The following MYO16 variants were observed in gnomAD, a reference collection of about 807,000 sequenced individuals.
MYO16 encodes the protein unconventional myosin-XVI.
MYO16 carries 94 observed loss-of-function variants against 205.3 expected under a neutral mutation model. That is an observed-to-expected ratio of 0.46 (90% CI 0.39 to 0.54). The LOEUF (loss-of-function observed/expected upper bound fraction) is 0.54, where lower values mean the gene tolerates loss of function less well. Among genes scored for constraint, MYO16 ranks in the 20% least tolerant of loss-of-function variants. The pLI, the probability that MYO16 is intolerant of heterozygous loss-of-function variation, is 0.00. For synonymous variants in MYO16, 988 were observed against 954.0 expected (o/e 1.04, Z -0.66); for missense variants, 2,315 against 2,387.5 (o/e 0.97, Z 0.63).
At chr13:108,704,388 G>T (rs1033298650) in intron 2 of MYO16, among the ~76,000 whole-genome samples, 1 of 152,094 alleles carries the variant, frequency 6.6e-6, no homozygotes, top group African/African-American at 2.4e-5. Flanking sequence ...TTTTTGCTGG[G>T]AATGATGGTT....
At chr13:108,818,002 C>G (rs760689818) in intron 7 of MYO16, among the ~76,000 whole-genome samples, 2 of 152,080 alleles carry the variant, frequency 1.3e-5, no homozygotes, top group African/African-American at 2.4e-5. Context: ...AAATTTACAG[C>G]CTTTAAGGTT....
chr13:109,172,588 C>T (rs1878965893), intron 33 of MYO16, among the ~76,000 whole-genome samples: 1 of 152,136 alleles, frequency 6.6e-6, no homozygotes, highest in Non-Finnish European at 1.5e-5. Context: ...ACCTCTGATG[C>T]TTATTAACTC....
the MYO16 span, among the ~76,000 whole-genome samples, chr13:108,566,745 GGAA>G: frequency 1.4e-5 from 1 of 70,738 alleles, no homozygotes; most frequent in African/African-American, 6.1e-5. Context: ...GAGGAAGGAA[GGAA>G]GGAAGGAAGG....
intron 5 of MYO16, among the ~76,000 whole-genome samples, chr13:108,788,827 T>C (rs1886532831): frequency 6.6e-6 from 1 of 152,232 alleles, no homozygotes; most frequent in Non-Finnish European, 1.5e-5. Flanking sequence ...TGACACTCTC[T>C]TAGGAACAGT....
rs1219807592 is a variant in MYO16 at position 109,021,594 on chromosome 13, C to G, written c.2796+1683C>G. On this transcript the variant is annotated intron_variant, in intron 23 of 34. Transcript: ENST00000457511. ...AGTGCAAGGATATGTGGAAGGCAGG[C>G]TTCTCCTTTTCAGCCTTGGCGGTAC... Among the ~76,000 whole-genome samples, 4 of 152,160 alleles carry G rather than the reference C, an allele frequency of 2.6e-5. No individual in the cohort carries two copies. In the South Asian group the frequency reaches 8.3e-4, roughly 31 times the overall value.
At chr13:108,634,562 C>T (rs1272731883) in intron 1 of MYO16, among the ~76,000 whole-genome samples, 3 of 152,142 alleles carry the variant, frequency 2.0e-5, no homozygotes, top group East Asian at 1.9e-4. Flanking sequence ...TGCCCATGCC[C>T]GTGGCCTTCG....
At position 108,994,476 on chromosome 13, in the gene MYO16, A is replaced by C. The variant is rs978107006; in HGVS notation, c.2442+2028A>C. Among the ~76,000 whole-genome samples the C allele has an allele frequency of 7.9e-5, 12 of 152,148 alleles. 1 individual carries two copies. The highest frequency in any genetic ancestry group is 2.9e-4 in the African/African-American group (12 of 41,440). On this transcript the variant is annotated intron_variant, in intron 21 of 34. Transcript: ENST00000457511. ...TAAGTACAAATCTCATCTTTTGACG[A>C]GTGCAAATTTGCATGTAATTTTTTT...
intron 4 of MYO16, among the ~76,000 whole-genome samples, chr13:108,771,875 C>T (rs1885977100): frequency 6.6e-6 from 1 of 152,006 alleles, no homozygotes; most frequent in South Asian, 2.1e-4. Context: ...CTGGATGTAC[C>T]ACAGTTTTAT....
chr13:108,685,943 A>G (rs1882659431), intron 2 of MYO16, among the ~76,000 whole-genome samples: 1 of 152,186 alleles, frequency 6.6e-6, no homozygotes, highest in Non-Finnish European at 1.5e-5. Context: ...GTGAATTTTC[A>G]TGAACCTCCT....
chr13:108,634,428 TTCCAACAGAGTGAA>T (rs1880130758), intron 1 of MYO16, among the ~76,000 whole-genome samples: 1 of 152,152 alleles, frequency 6.6e-6, no homozygotes, highest in Non-Finnish European at 1.5e-5. Flanking sequence ...CTGCATCAGC[TTCCAACAGAGTGAA>T]TATGTGGCCA....
chr13:108,930,523 G>A (rs533331775), intron 16 of MYO16, among the ~76,000 whole-genome samples: 1 of 152,176 alleles, frequency 6.6e-6, no homozygotes, highest in East Asian at 1.9e-4. Flanking sequence ...AAAAAGAAAA[G>A]TCAATTGGCC....
At chr13:108,824,124 A>G (rs1227052543) in intron 9 of MYO16, among the ~76,000 whole-genome samples, 1 of 152,084 alleles carries the variant, frequency 6.6e-6, no homozygotes, top group Non-Finnish European at 1.5e-5. Flanking sequence ...CTGTCACATC[A>G]TTTTAAAGGC....
chr13:108,547,815 A>G, the MYO16 span, among the ~76,000 whole-genome samples: 1 of 152,338 alleles, frequency 6.6e-6, no homozygotes. Context: ...GAAAATCTTC[A>G]GTGTGCATAC....
At chr13:108,740,058 T>C (rs1201192603) in intron 4 of MYO16, among the ~76,000 whole-genome samples, 1 of 152,188 alleles carries the variant, frequency 6.6e-6, no homozygotes, top group East Asian at 1.9e-4. Context: ...TAGAGGTTTT[T>C]AGCTTCTTTG....
At chr13:109,060,984 C>T (rs1434628353) in intron 27 of MYO16, among the ~76,000 whole-genome samples, 1 of 152,186 alleles carries the variant, frequency 6.6e-6, no homozygotes, top group Non-Finnish European at 1.5e-5. Flanking sequence ...TTCTAGATAA[C>T]TTGCTGCAGC....
chr13:108,577,510 C>T, the MYO16 span, among the ~76,000 whole-genome samples: 1 of 152,182 alleles, frequency 6.6e-6, no homozygotes, highest in Non-Finnish European at 1.5e-5. Flanking sequence ...CTCTCTCCTC[C>T]ATCTGGAACA....
At chr13:108,501,407 C>T in the MYO16 span, among the ~76,000 whole-genome samples, 1 of 152,180 alleles carries the variant, frequency 6.6e-6, no homozygotes, top group Non-Finnish European at 1.5e-5. Context: ...CTTATTCATC[C>T]TCTGACTCTC....
At chr13:108,755,019 T>TA (rs1348643662) in intron 4 of MYO16, among the ~76,000 whole-genome samples, 2 of 151,990 alleles carry the variant, frequency 1.3e-5, no homozygotes, top group African/African-American at 4.8e-5. Flanking sequence ...ATAAAAAGTA[T>TA]AAAGTTTTGA....
chr13:108,744,761 G>A (rs957859538), intron 4 of MYO16, among the ~76,000 whole-genome samples: 3 of 152,204 alleles, frequency 2.0e-5, no homozygotes, highest in East Asian at 1.9e-4. Flanking sequence ...TTTTACCCAC[G>A]TTCATATATT....
Sources: gnomAD v4.1 joint callset for allele counts (sites outside exome capture counted in the v4.1 genomes callset) on GRCh38, gnomAD v4.1.1 for gene constraint, MANE v1.5 for transcripts, NCBI Gene and HGNC (gene_info 2026-07-23, HGNC 2026-07-21) for gene names.